SUMF1: variants seen among roughly 807,000 people sequenced by gnomAD.
SUMF1 encodes the protein formylglycine-generating enzyme.
In SUMF1, 48 loss-of-function variants were observed where a neutral mutation model predicts 47.6. That is an observed-to-expected ratio of 1.01 (90% CI 0.80 to 1.28). The LOEUF (loss-of-function observed/expected upper bound fraction) is 1.28, where lower values mean the gene tolerates loss of function less well. SUMF1 is among the 50% of genes most tolerant of loss of function. The pLI is 0.00. For synonymous variants in SUMF1, 230 were observed against 192.1 expected (o/e 1.20, Z -1.63); for missense variants, 571 against 485.4 (o/e 1.18, Z -1.66).
chr3:4,066,461 T>C (rs889931539), intron 9 of SUMF1, among the ~76,000 whole-genome samples: 3 of 152,136 alleles, frequency 2.0e-5, no homozygotes, highest in African/African-American at 7.2e-5. Flanking sequence ...CCTCCTGGTA[T>C]TAAAGCTTGA....
chr3:4,056,420 C>A (rs910355799), intron 9 of SUMF1, among the ~76,000 whole-genome samples: 1 of 151,892 alleles, frequency 6.6e-6, no homozygotes, highest in African/African-American at 2.4e-5. Context: ...ATGCCTGTAA[C>A]CTCAGTGCTT....
chr3:4,322,301 T>G (rs1009627009), intron 8 of SUMF1, among the ~76,000 whole-genome samples: 14 of 152,234 alleles, frequency 9.2e-5, no homozygotes, highest in Admixed American at 7.9e-4. Context: ...AATGTAATGA[T>G]ATGTATAATA....
intron 8 of SUMF1, among the ~76,000 whole-genome samples, chr3:4,162,837 T>C (rs146204112): frequency 3.0e-4 from 46 of 152,074 alleles, no homozygotes; most frequent in African/African-American, 1.1e-3. Context: ...AGTTGTTAAG[T>C]TTGGTGTTCC....
intron 8 of SUMF1, among the ~76,000 whole-genome samples, chr3:4,235,662 A>G (rs1696391649): frequency 6.6e-6 from 1 of 152,092 alleles, no homozygotes; most frequent in South Asian, 2.1e-4. Context: ...GGAACATCCT[A>G]GGCCCTTCTC....
At chr3:4,352,165 A>G (rs1173394249) in intron 8 of SUMF1, among the ~76,000 whole-genome samples, 1 of 152,164 alleles carries the variant, frequency 6.6e-6, no homozygotes, top group Non-Finnish European at 1.5e-5. Flanking sequence ...GGACTCAATG[A>G]TACAGTAGAG....
intron 8 of SUMF1, among the ~76,000 whole-genome samples, chr3:4,112,204 C>T (rs951009537): frequency 6.6e-6 from 1 of 152,126 alleles, no homozygotes; most frequent in Admixed American, 6.5e-5. Flanking sequence ...AACCAATCTA[C>T]TGAGGATACT....
chr3:4,437,507 T>C (rs1639935116), intron 3 of SUMF1, among the ~76,000 whole-genome samples: 1 of 152,020 alleles, frequency 6.6e-6, no homozygotes, highest in Admixed American at 6.6e-5. Context: ...ATGGTAGAAT[T>C]AAATCCAAAA....
chr3:4,254,930 A>G (rs1248764525), intron 8 of SUMF1, among the ~76,000 whole-genome samples: 1 of 152,206 alleles, frequency 6.6e-6, no homozygotes, highest in Non-Finnish European at 1.5e-5. Context: ...CAGAAACCCT[A>G]CAAGCCAGAA....
chr3:4,272,323 C>A (rs574177643), intron 8 of SUMF1, among the ~76,000 whole-genome samples: 5 of 152,308 alleles, frequency 3.3e-5, no homozygotes, highest in African/African-American at 9.6e-5. Flanking sequence ...GTGGTTCCAA[C>A]AAGGGCTTTA....
At chr3:4,286,850 C>G (rs568184000) in intron 8 of SUMF1, among the ~76,000 whole-genome samples, 39 of 152,160 alleles carry the variant, frequency 2.6e-4, no homozygotes, top group African/African-American at 8.9e-4. Context: ...AATATTTACA[C>G]AGAACTTGCA....
At chr3:4,393,058 G>GC (rs1559269381) in intron 7 of SUMF1, among the ~76,000 whole-genome samples, 2 of 152,070 alleles carry the variant, frequency 1.3e-5, no homozygotes, top group African/African-American at 4.8e-5. Context: ...CTTATGTTTA[G>GC]TTTCCCAGAA....
intron 4 of SUMF1, among the ~76,000 whole-genome samples, chr3:4,419,743 C>T (rs1215558575): frequency 2.0e-5 from 3 of 152,072 alleles, no homozygotes; most frequent in African/African-American, 7.2e-5. Flanking sequence ...ATAATGGAAA[C>T]AGAATGTAAA....
At chr3:4,130,625 A>G (rs1055082769) in intron 8 of SUMF1, among the ~76,000 whole-genome samples, 29 of 152,120 alleles carry the variant, frequency 1.9e-4, no homozygotes, top group African/African-American at 7.0e-4. Context: ...CTACCTCAGT[A>G]CAATTTTTAG....
At chr3:4,066,993 G>A (rs1695393317) in intron 9 of SUMF1, among the ~76,000 whole-genome samples, 1 of 152,086 alleles carries the variant, frequency 6.6e-6, no homozygotes, top group Non-Finnish European at 1.5e-5. Flanking sequence ...GATTTATGAA[G>A]GGCCTGAATT....
chr3:4,273,842 GGC>G (rs1697360552), intron 8 of SUMF1, among the ~76,000 whole-genome samples: 2 of 148,368 alleles, frequency 1.3e-5, no homozygotes, highest in South Asian at 2.2e-4. Context: ...GGCAAGGGAG[GGC>G]ATGGGAAGGC....
chr3:4,115,800 C>T (rs1006813752), intron 8 of SUMF1, among the ~76,000 whole-genome samples: 1 of 152,022 alleles, frequency 6.6e-6, no homozygotes, highest in Non-Finnish European at 1.5e-5. Context: ...GATGCTGAAA[C>T]TTTCTAGATA....
chr3:4,048,115 T>C (rs1695039051), intron 9 of SUMF1, among the ~76,000 whole-genome samples: 1 of 152,150 alleles, frequency 6.6e-6, no homozygotes, highest in Non-Finnish European at 1.5e-5. Context: ...CCTATAATTA[T>C]CATCTCACCA....
chr3:4,374,272 T>C (rs563862741), intron 8 of SUMF1, among the ~76,000 whole-genome samples: 2 of 152,194 alleles, frequency 1.3e-5, no homozygotes, highest in Non-Finnish European at 2.9e-5. Context: ...ATCAGCTATG[T>C]AGAAAATATG....
intron 1 of SUMF1, 141 bp downstream of exon 1, chr3:4,466,835 T>C: frequency 3.8e-6 from 5 of 1,307,398 alleles, no homozygotes; most frequent in Non-Finnish European, 5.2e-6. Flanking sequence ...AAGGAACTCC[T>C]CATACGGGAA....
Sources: gnomAD v4.1 joint callset for allele counts (sites outside exome capture counted in the v4.1 genomes callset) on GRCh38, gnomAD v4.1.1 for gene constraint, MANE v1.5 for transcripts, NCBI Gene and HGNC (gene_info 2026-07-23, HGNC 2026-07-21) for gene names.